Variants in IL1RAPL2 observed in about 807,000 individuals in gnomAD.
The protein encoded by IL1RAPL2 is X-linked interleukin-1 receptor accessory protein-like 2.
Under a neutral mutation model 44.1 loss-of-function variants are expected in IL1RAPL2, and 3 were observed. That is an observed-to-expected ratio of 0.07 (90% CI 0.03 to 0.18). The LOEUF (loss-of-function observed/expected upper bound fraction) is 0.18. IL1RAPL2 is among the 10% of genes least tolerant of loss of function. The pLI, the probability that IL1RAPL2 is intolerant of heterozygous loss-of-function variation, is 1.00. For synonymous variants in IL1RAPL2, 181 were observed against 178.8 expected, an observed-to-expected ratio of 1.01 and a Z score of -0.10; for missense variants, 391 against 496.4, an observed-to-expected ratio of 0.79 and a Z score of 2.02.
At chrX:105,611,608 G>A (rs991047547) in intron 6 of IL1RAPL2, among the ~76,000 whole-genome samples, 7 of 112,080 alleles carry the variant, frequency 6.2e-5, no homozygotes, top group Non-Finnish European at 1.1e-4. Context: ...AGGAGCAATA[G>A]GCTGTACAGT....
At chrX:104,875,735 A>G (rs1179910847) in intron 2 of IL1RAPL2, among the ~76,000 whole-genome samples, 1 of 111,757 alleles carries the variant, frequency 8.9e-6, no homozygotes, top group Non-Finnish European at 1.9e-5. Flanking sequence ...TCTCTCTCCC[A>G]TCCACCTTAC....
chrX:105,115,659 C>T (rs770836846), intron 2 of IL1RAPL2, among the ~76,000 whole-genome samples: 4 of 113,090 alleles, frequency 3.5e-5, no homozygotes, highest in East Asian at 5.6e-4. Context: ...TCCAAGTCCC[C>T]ACCAGACTCA....
intron 6 of IL1RAPL2, among the ~76,000 whole-genome samples, chrX:105,687,897 G>T (rs908172679): frequency 9.0e-6 from 1 of 111,521 alleles, no homozygotes; most frequent in African/African-American, 3.3e-5. Flanking sequence ...CCTCATCCCT[G>T]GGATGCAAGG....
chrX:105,040,719 G>C (rs1186617038), intron 2 of IL1RAPL2, among the ~76,000 whole-genome samples: 1 of 109,950 alleles, frequency 9.1e-6, no homozygotes, highest in African/African-American at 3.4e-5. Flanking sequence ...TGTGGGATCA[G>C]TGGTGATATC....
intron 2 of IL1RAPL2, among the ~76,000 whole-genome samples, chrX:105,143,917 C>A (rs1382869864): frequency 9.1e-6 from 1 of 109,625 alleles, no homozygotes; most frequent in Non-Finnish European, 1.9e-5. Flanking sequence ...TGCAGCACAC[C>A]AACATGGCAC....
At chrX:105,186,005 T>G (rs1479078126) in intron 2 of IL1RAPL2, among the ~76,000 whole-genome samples, 3 of 111,476 alleles carry the variant, frequency 2.7e-5, no homozygotes, top group Non-Finnish European at 5.7e-5. Context: ...CAAACAAAAA[T>G]AGAATATAAC....
intron 2 of IL1RAPL2, among the ~76,000 whole-genome samples, chrX:104,960,165 T>A (rs2029978414): frequency 8.9e-6 from 1 of 112,187 alleles, no homozygotes; most frequent in South Asian, 3.7e-4. Context: ...AATGTAAATG[T>A]TATATGAGAA....
At chrX:104,817,025 G>A (rs1921154851) in intron 2 of IL1RAPL2, among the ~76,000 whole-genome samples, 1 of 112,713 alleles carries the variant, frequency 8.9e-6, no homozygotes, top group Non-Finnish European at 1.9e-5. Flanking sequence ...GATACAGGGG[G>A]AACTCTTAAT....
At chrX:105,348,646 A>G (rs978979256) in intron 5 of IL1RAPL2, among the ~76,000 whole-genome samples, 1 of 111,682 alleles carries the variant, frequency 9.0e-6, no homozygotes, top group Non-Finnish European at 1.9e-5. Flanking sequence ...CAGAGAGCCA[A>G]TCACTGAGAC....
At chrX:104,976,167 T>A (rs765732452) in intron 2 of IL1RAPL2, among the ~76,000 whole-genome samples, 3 of 111,694 alleles carry the variant, frequency 2.7e-5, no homozygotes, top group Non-Finnish European at 5.6e-5. Context: ...CAAGAGAAAA[T>A]GAGTTTCTTT....
intron 2 of IL1RAPL2, among the ~76,000 whole-genome samples, chrX:105,144,094 GGTGTGTGTGT>G (rs762069943): frequency 1.3e-3 from 101 of 79,561 alleles, no homozygotes; most frequent in African/African-American, 4.1e-3. Flanking sequence ...TCAACAGATG[GGTGTGTGTGT>G]GTGTGTGTGT....
chrX:104,601,454 G>T (rs1333400326), intron 1 of IL1RAPL2, among the ~76,000 whole-genome samples: 1 of 111,261 alleles, frequency 9.0e-6, no homozygotes, highest in Non-Finnish European at 1.9e-5. Context: ...AGATTCAGGG[G>T]GTACATGTGC....
intron 6 of IL1RAPL2, among the ~76,000 whole-genome samples, chrX:105,489,682 T>TTTTC (rs1381169279): frequency 3.7e-5 from 4 of 109,536 alleles, no homozygotes; most frequent in Non-Finnish European, 7.6e-5. Context: ...TTCTCTTTCT[T>TTTTC]TTTCTTTCTT....
At chrX:105,521,079 C>T (rs1480119894) in intron 6 of IL1RAPL2, among the ~76,000 whole-genome samples, 3 of 104,397 alleles carry the variant, frequency 2.9e-5, no homozygotes, top group South Asian at 4.6e-4. Flanking sequence ...GGACTACAGG[C>T]GCCTGCCACC....
At chrX:104,886,974 A>G (rs1236327700) in intron 2 of IL1RAPL2, among the ~76,000 whole-genome samples, 1 of 112,389 alleles carries the variant, frequency 8.9e-6, no homozygotes, top group Admixed American at 9.4e-5. Context: ...TCAAGGGTAC[A>G]AGGTGTCTAG....
Position 104,649,422 on chromosome X carries a change from T to C in IL1RAPL2, c.-19-9473T>C, listed in dbSNP as rs183088231. Among the ~76,000 whole-genome samples, 4 of 111,798 alleles carry C rather than the reference T, an allele frequency of 3.6e-5. No homozygotes were observed. In the East Asian group the frequency reaches 1.1e-3, roughly 31 times the overall value. On this transcript the variant is annotated intron_variant, in intron 1 of 10. Transcript: ENST00000372582. ...GAGCCATATTTCCCTCCATAGTAGATAGAATCTAGTTAACATTATTGCATC... is the reference window on the plus strand; with the variant it reads ...GAGCCATATTTCCCTCCATAGTAGACAGAATCTAGTTAACATTATTGCATC...
intron 2 of IL1RAPL2, among the ~76,000 whole-genome samples, chrX:104,748,173 T>A (rs756236336): frequency 9.0e-4 from 100 of 111,483 alleles, no homozygotes; most frequent in Non-Finnish European, 1.4e-3. Context: ...AAGAGGTACA[T>A]GTTAGGGAGG....
chrX:105,715,129 T>C (rs1311688880), intron 6 of IL1RAPL2, among the ~76,000 whole-genome samples: 1 of 111,967 alleles, frequency 8.9e-6, no homozygotes, highest in Non-Finnish European at 1.9e-5. Flanking sequence ...GATTGTGGAT[T>C]ATCTTAAGGA....
chrX:104,604,633 CAAAAAA>C (rs36050333), intron 1 of IL1RAPL2, among the ~76,000 whole-genome samples: 1 of 31,102 alleles, frequency 3.2e-5, no homozygotes, highest in African/African-American at 1.1e-4. Context: ...AAATGCATAG[CAAAAAA>C]AAAAAAAAAA....
Sources: gnomAD v4.1 joint callset for allele counts (sites outside exome capture counted in the v4.1 genomes callset) on GRCh38, gnomAD v4.1.1 for gene constraint, MANE v1.5 for transcripts, NCBI Gene and HGNC (gene_info 2026-07-23, HGNC 2026-07-21) for gene names.